SPAG16: variants seen among roughly 807,000 people sequenced by gnomAD.
SPAG16 encodes the protein sperm-associated antigen 16 protein.
SPAG16 carries 86 observed loss-of-function variants against 80.4 expected under a neutral mutation model. That is an observed-to-expected ratio of 1.07 (90% CI 0.90 to 1.28). The LOEUF (loss-of-function observed/expected upper bound fraction) is 1.28. Among genes scored for constraint, SPAG16 ranks in the 50% most tolerant of loss-of-function variants. The pLI is 0.00. For synonymous variants in SPAG16, 294 were observed against 265.9 expected, an observed-to-expected ratio of 1.11 and a Z score of -1.03; for missense variants, 870 against 765.3, an observed-to-expected ratio of 1.14 and a Z score of -1.61.
intron 7 of SPAG16, among the ~76,000 whole-genome samples, chr2:213,362,331 C>T (rs896441147): frequency 5.3e-5 from 8 of 152,106 alleles, no homozygotes; most frequent in African/African-American, 1.9e-4. Flanking sequence ...AGACAAATCT[C>T]CCATACAGAA....
At chr2:213,786,832 T>C (rs964903176) in intron 10 of SPAG16, among the ~76,000 whole-genome samples, 9 of 152,158 alleles carry the variant, frequency 5.9e-5, no homozygotes, top group African/African-American at 2.2e-4. Flanking sequence ...CTTAATTTAA[T>C]AGTGTATAAA....
intron 15 of SPAG16, among the ~76,000 whole-genome samples, chr2:214,217,578 A>C (rs1427785187): frequency 6.6e-6 from 1 of 152,232 alleles, no homozygotes. Context: ...AAGAGTACTT[A>C]ATAAACACAA....
intron 15 of SPAG16, among the ~76,000 whole-genome samples, chr2:214,290,209 G>A: frequency 6.6e-6 from 1 of 152,050 alleles, no homozygotes; most frequent in East Asian, 1.9e-4. Context: ...TTAGCATATA[G>A]TTGTGCATAA....
intron 10 of SPAG16, among the ~76,000 whole-genome samples, chr2:213,613,635 C>T (rs2061505339): frequency 6.6e-6 from 1 of 152,226 alleles, no homozygotes; most frequent in African/African-American, 2.4e-5. Flanking sequence ...CTCCTATCTA[C>T]ATTTTGTGCT....
intron 15 of SPAG16, among the ~76,000 whole-genome samples, chr2:214,183,858 T>C (rs554980750): frequency 2.0e-5 from 3 of 152,150 alleles, no homozygotes; most frequent in East Asian, 3.9e-4. Flanking sequence ...TCTGAGATTA[T>C]AAAGAAGCAA....
chr2:213,508,918 TA>T (rs545958429), intron 10 of SPAG16, among the ~76,000 whole-genome samples: 13,333 of 143,972 alleles, frequency 0.093, 1,408 homozygotes, highest in African/African-American at 0.26. Flanking sequence ...AAAGTATAAT[TA>T]AAAAAAAAAA....
chr2:213,706,842 AT>A (rs1016168987), intron 10 of SPAG16, among the ~76,000 whole-genome samples: 1 of 152,146 alleles, frequency 6.6e-6, no homozygotes, highest in African/African-American at 2.4e-5. Context: ...CTACAGATAT[AT>A]TTGAAGGCTT....
At chr2:214,108,323 A>G in intron 14 of SPAG16, 62 bp downstream of exon 14, 1 of 1,361,652 alleles carries the variant, frequency 7.3e-7, no homozygotes, top group Non-Finnish European at 1.0e-6. Flanking sequence ...TCATTTTTAT[A>G]AAACAAATTT....
intron 10 of SPAG16, among the ~76,000 whole-genome samples, chr2:213,850,036 G>T (rs991846267): frequency 6.6e-6 from 1 of 152,114 alleles, no homozygotes; most frequent in Non-Finnish European, 1.5e-5. Flanking sequence ...TAGCAGGAAG[G>T]TTCCAGGAGA....
chr2:214,066,959 T>A (rs2050559625), intron 13 of SPAG16, among the ~76,000 whole-genome samples: 1 of 152,186 alleles, frequency 6.6e-6, no homozygotes, highest in Admixed American at 6.5e-5. Context: ...TCATCCTTTG[T>A]TCCACTGTTG....
intron 9 of SPAG16, chr2:213,396,774 C>A: frequency 2.6e-6 from 1 of 391,540 alleles, no homozygotes; most frequent in Non-Finnish European, 5.2e-6. Context: ...TGTTCTCCTC[C>A]AATCCTCCCT....
In SPAG16 at chr2:213,588,211, CACAT is replaced by C. The variant is rs1246407020; in HGVS notation, c.1070+98122_1070+98125del. ...TAAGCAATATATTAAGCATCAAAGACACATGCATAATTTGAAATAGTTTCAGTTC... is the reference window on the plus strand; with the variant it reads ...TAAGCAATATATTAAGCATCAAAGACGCATAATTTGAAATAGTTTCAGTTC... On this transcript the variant is annotated intron_variant, in intron 10 of 15. Coordinates refer to ENST00000331683, the MANE Select transcript of SPAG16 (RefSeq NM_024532.5). 5.3e-5 allele frequency among the ~76,000 whole-genome samples: 8 copies of C among 152,070 alleles called. 1 individual carries two copies. The highest frequency in any genetic ancestry group is 1.9e-4 in the African/African-American group (8 of 41,412).
chr2:214,240,610 CT>C (rs745916421), intron 15 of SPAG16: 3 of 152,114 alleles, frequency 2.0e-5, no homozygotes, highest in Non-Finnish European at 2.9e-5. Context: ...GTTTGTTCTT[CT>C]ATAAATTCTC....
At chr2:213,287,073 A>T (rs1251268883) in intron 1 of SPAG16, among the ~76,000 whole-genome samples, 1 of 152,166 alleles carries the variant, frequency 6.6e-6, no homozygotes, top group African/African-American at 2.4e-5. Context: ...ACAAGGTGAG[A>T]TACAAATATA....
At chr2:213,909,568 C>T (rs543378388) in intron 11 of SPAG16, among the ~76,000 whole-genome samples, 63 of 151,836 alleles carry the variant, frequency 4.1e-4, no homozygotes, top group African/African-American at 1.3e-3. Flanking sequence ...TCAGAAATAA[C>T]GCCGCATATC....
chr2:213,337,879 A>G (rs559273516), intron 5 of SPAG16, among the ~76,000 whole-genome samples: 19 of 152,232 alleles, frequency 1.2e-4, no homozygotes, highest in African/African-American at 4.3e-4. Flanking sequence ...CAACCCTAGT[A>G]AGATACTACA....
At position 213,802,849 on chromosome 2, in the gene SPAG16, GA is replaced by G. The variant is rs369065483; in HGVS notation, c.1071-59627del. Among the ~76,000 whole-genome samples, 401 of 148,572 alleles carry G rather than the reference GA, an allele frequency of 2.7e-3. 2 individuals carry two copies. Among genetic ancestry groups the G allele is most frequent in the African/African-American group, 9.5e-3 (384 of 40,422 alleles). ...CTTTCACCACTTGTTATCACTTCCA[GA>G]AAAAAAAAGTAGACTAAAATTGCAA... is the stretch of plus-strand genomic sequence containing the variant. On this transcript the variant is annotated intron_variant, in intron 10 of 15. Transcript: ENST00000331683.
intron 10 of SPAG16, among the ~76,000 whole-genome samples, chr2:213,784,655 A>G (rs13032381): frequency 2.1e-5 from 2 of 93,362 alleles, no homozygotes; most frequent in East Asian, 3.0e-4. Flanking sequence ...AAAAAAAAAG[A>G]ACTGTGAGAG....
chr2:213,482,920 TA>T (rs541209536), intron 9 of SPAG16, among the ~76,000 whole-genome samples: 238 of 152,294 alleles, frequency 1.6e-3, no homozygotes, highest in African/African-American at 5.4e-3. Flanking sequence ...TTTTCTGTGT[TA>T]AAAGTAACAT....
Sources: allele counts gnomAD v4.1 joint callset (sites outside exome capture counted in the v4.1 genomes callset), GRCh38; gene constraint gnomAD v4.1.1; transcripts MANE v1.5; gene names NCBI Gene and HGNC (gene_info 2026-07-23, HGNC 2026-07-21).